The following SLC8A1 variants were observed in gnomAD, a reference collection of about 807,000 sequenced individuals.
SLC8A1 encodes sodium/calcium exchanger 1.
SLC8A1 carries 18 observed loss-of-function variants against 68.3 expected under a neutral mutation model. The observed-to-expected ratio is 0.26, with a 90% CI of 0.18 to 0.39. The LOEUF is 0.39. Among genes scored for constraint, SLC8A1 ranks in the 10% least tolerant of loss-of-function variants. The probability of loss-of-function intolerance (pLI) is 1.00; values close to 1 mark genes in which losing one functional copy is unlikely to be tolerated. For synonymous variants in SLC8A1, 475 were observed against 415.5 expected, an observed-to-expected ratio of 1.14 and a Z score of -1.74; for missense variants, 985 against 1,156.7, an observed-to-expected ratio of 0.85 and a Z score of 2.15.
intron 1 of SLC8A1, among the ~76,000 whole-genome samples, chr2:40,509,828 T>C (rs1706600844): frequency 6.6e-6 from 1 of 151,826 alleles, no homozygotes; most frequent in African/African-American, 2.4e-5. Flanking sequence ...TTGTTTTTTT[T>C]CCGGTGCAGT....
intron 2 of SLC8A1, among the ~76,000 whole-genome samples, chr2:40,213,932 T>A (rs2057034958): frequency 6.6e-6 from 1 of 152,130 alleles, no homozygotes; most frequent in Non-Finnish European, 1.5e-5. Context: ...AGAAAAACAG[T>A]AACCACACCA....
At chr2:40,170,943 G>C (rs183326583) in intron 4 of SLC8A1, among the ~76,000 whole-genome samples, 27 of 152,282 alleles carry the variant, frequency 1.8e-4, no homozygotes, top group Admixed American at 5.2e-4. Context: ...AGGTTTTGCA[G>C]AGGTAGGCCA....
exon 8 of SLC8A1, chr2:40,115,551 G>A (rs779852676): frequency 1.1e-5 from 18 of 1,613,974 alleles, no homozygotes; most frequent in Non-Finnish European, 1.4e-5. Flanking sequence ...GACATTCACC[G>A]CGTTGCTGCC....
At chr2:40,272,308 G>A (rs576029838) in intron 2 of SLC8A1, among the ~76,000 whole-genome samples, 1 of 152,298 alleles carries the variant, frequency 6.6e-6, no homozygotes, top group African/African-American at 2.4e-5. Context: ...ACAAGAACAT[G>A]ATCAGTTTGG....
At chr2:40,387,808 G>C (rs113445552) in intron 2 of SLC8A1, among the ~76,000 whole-genome samples, 1 of 151,996 alleles carries the variant, frequency 6.6e-6, no homozygotes, top group African/African-American at 2.4e-5. Flanking sequence ...GTGGTGGCAT[G>C]TGCCTGTAAT....
chr2:40,156,872 G>T (rs1247310591), intron 6 of SLC8A1, among the ~76,000 whole-genome samples: 1 of 152,142 alleles, frequency 6.6e-6, no homozygotes, highest in Non-Finnish European at 1.5e-5. Context: ...CTGCGTACCT[G>T]TGTATACGTG....
At chr2:40,460,581 ATTT>A (rs11360467) in intron 1 of SLC8A1, among the ~76,000 whole-genome samples, 26 of 142,338 alleles carry the variant, frequency 1.8e-4, no homozygotes, top group Admixed American at 2.8e-4. Context: ...GTATTTTTTA[ATTT>A]TTTTTTTTTT....
At chr2:40,135,000 TGAGATGTAATTGAA>T (rs2040213894) in intron 7 of SLC8A1, among the ~76,000 whole-genome samples, 1 of 152,160 alleles carries the variant, frequency 6.6e-6, no homozygotes, top group Admixed American at 6.5e-5. Context: ...TCATTTAAGA[TGAGATGTAATTGAA>T]GACAAACAGC....
At chr2:40,258,429 A>G (rs527797784) in intron 2 of SLC8A1, among the ~76,000 whole-genome samples, 42 of 152,322 alleles carry the variant, frequency 2.8e-4, no homozygotes, top group Admixed American at 2.4e-3. Flanking sequence ...AGCTTGAAAT[A>G]TGATCTCCTG....
chr2:40,489,011 A>G (rs1331244128), intron 1 of SLC8A1, among the ~76,000 whole-genome samples: 2 of 152,132 alleles, frequency 1.3e-5, no homozygotes, highest in Admixed American at 6.6e-5. Flanking sequence ...AGCAACAATC[A>G]TACTCTAACG....
At chr2:40,115,197 A>G in exon 8 of SLC8A1, 2 of 1,205,794 alleles carry the variant, frequency 1.7e-6, no homozygotes, top group Non-Finnish European at 2.2e-6. Flanking sequence ...TCCATTATAC[A>G]TAATTTTTAT....
intron 2 of SLC8A1, among the ~76,000 whole-genome samples, chr2:40,199,374 C>T (rs2053704044): frequency 6.6e-6 from 1 of 151,664 alleles, no homozygotes; most frequent in South Asian, 2.1e-4. Flanking sequence ...TCTAGACCAA[C>T]ACATGATACT....
chr2:40,381,650 T>C (rs973682983), intron 2 of SLC8A1, among the ~76,000 whole-genome samples: 3 of 152,018 alleles, frequency 2.0e-5, no homozygotes, highest in African/African-American at 4.8e-5. Context: ...CAGATGTTTA[T>C]GGTTTCTTTT....
chr2:40,220,459 C>G (rs182385681), intron 2 of SLC8A1: 5 of 152,166 alleles, frequency 3.3e-5, no homozygotes, highest in African/African-American at 1.2e-4. Flanking sequence ...CTAAATTGAG[C>G]GGCCTTTGGG....
At chr2:40,332,146 G>C (rs560893968) in intron 2 of SLC8A1, among the ~76,000 whole-genome samples, 17 of 152,130 alleles carry the variant, frequency 1.1e-4, no homozygotes, top group Non-Finnish European at 2.2e-4. Flanking sequence ...TTACTAAAAG[G>C]CTTGTGTAGT....
At chr2:40,163,373 G>C (rs906390497) in intron 5 of SLC8A1, among the ~76,000 whole-genome samples, 5 of 152,212 alleles carry the variant, frequency 3.3e-5, no homozygotes, top group African/African-American at 1.2e-4. Context: ...GGAGAACCCA[G>C]GCAAAGGGCA....
chr2:40,366,605 A>C (rs1451050141), intron 2 of SLC8A1, among the ~76,000 whole-genome samples: 1 of 152,032 alleles, frequency 6.6e-6, no homozygotes, highest in Non-Finnish European at 1.5e-5. Context: ...AACAGGCTTA[A>C]AGAGGATTAT....
At chr2:40,475,260 C>A (rs546913910) in intron 1 of SLC8A1, among the ~76,000 whole-genome samples, 1 of 152,088 alleles carries the variant, frequency 6.6e-6, no homozygotes. Flanking sequence ...CAGCCTCCCA[C>A]GTAGCTGGGA....
chr2:40,356,596 G>C (rs924360982), intron 2 of SLC8A1, among the ~76,000 whole-genome samples: 1 of 128,310 alleles, frequency 7.8e-6, no homozygotes, highest in African/African-American at 2.6e-5. Context: ...TATGGTCCAA[G>C]ATACCAAGAA....
Sources: allele counts gnomAD v4.1 joint callset (sites outside exome capture counted in the v4.1 genomes callset), GRCh38; gene constraint gnomAD v4.1.1; transcripts MANE v1.5; gene names NCBI Gene and HGNC (gene_info 2026-07-23, HGNC 2026-07-21).